COLQ: variants seen among roughly 807,000 people sequenced by gnomAD.
COLQ encodes acetylcholinesterase collagenic tail peptide.
In COLQ, 48 loss-of-function variants were observed where a neutral mutation model predicts 69.0. The ratio of observed to expected loss-of-function variants is 0.70; its 90% CI spans 0.55 to 0.88. The LOEUF is 0.88. COLQ is among the 40% of genes least tolerant of loss of function. The pLI, the probability that COLQ is intolerant of heterozygous loss-of-function variation, is 0.00. For synonymous variants in COLQ, 217 were observed against 211.2 expected, an observed-to-expected ratio of 1.03 and a Z score of -0.24; for missense variants, 618 against 594.6, an observed-to-expected ratio of 1.04 and a Z score of -0.41.
intron 13 of COLQ, among the ~76,000 whole-genome samples, chr3:15,457,397 A>G (rs904753646): frequency 6.6e-6 from 1 of 151,988 alleles, no homozygotes; most frequent in Non-Finnish European, 1.5e-5. Context: ...CTTCAAAATA[A>G]TACAACAGAG....
chr3:15,476,089 G>A (rs956977382), intron 6 of COLQ, among the ~76,000 whole-genome samples: 2 of 152,180 alleles, frequency 1.3e-5, no homozygotes, highest in Admixed American at 6.5e-5. Flanking sequence ...ATCCCAACTT[G>A]TAATCTATAC....
At chr3:15,519,715 T>A (rs751608036) in intron 1 of COLQ, among the ~76,000 whole-genome samples, 1 of 152,188 alleles carries the variant, frequency 6.6e-6, no homozygotes, top group Non-Finnish European at 1.5e-5. Flanking sequence ...AAAGCTTACC[T>A]AAGAGATATC....
chr3:15,499,884 C>T lies in COLQ; in HGVS notation c.107-10247G>A, dbSNP rs532325582. On this transcript the variant is annotated intron_variant, in intron 1 of 16. Transcript: ENST00000383788. Reference sequence around the variant, plus strand: ...TAAGCTTTCTTACTTATAAAGTGGGCGTGCAAAGCCGACTTTGATAGTTTG... The same window carrying T: ...TAAGCTTTCTTACTTATAAAGTGGGTGTGCAAAGCCGACTTTGATAGTTTG... Among the ~76,000 whole-genome samples the T allele has an allele frequency of 7.9e-5, 12 of 152,182 alleles. No individual in the cohort carries two copies. In the South Asian group the frequency reaches 2.3e-3, roughly 29 times the overall value.
intron 6 of COLQ, among the ~76,000 whole-genome samples, chr3:15,476,417 C>T (rs1575475397): frequency 6.6e-6 from 1 of 152,196 alleles, no homozygotes; most frequent in Admixed American, 6.5e-5. Flanking sequence ...GGCTGCTGTG[C>T]AGGACAGCTC....
chr3:15,472,758 C>A (rs2062309677), intron 10 of COLQ, among the ~76,000 whole-genome samples: 1 of 152,200 alleles, frequency 6.6e-6, no homozygotes, highest in Non-Finnish European at 1.5e-5. Context: ...TCAACAGTCA[C>A]CTTCACAATT....
chr3:15,497,036 CTTTTTTTTT>C (rs371974104), intron 1 of COLQ, among the ~76,000 whole-genome samples: 57 of 107,514 alleles, frequency 5.3e-4, no homozygotes, highest in East Asian at 1.5e-3. Flanking sequence ...GTCCTTTTGC[CTTTTTTTTT>C]TTTTTTTTTT....
intron 12 of COLQ, among the ~76,000 whole-genome samples, chr3:15,464,971 C>G (rs143426556): frequency 1.4e-3 from 216 of 152,232 alleles, no homozygotes; most frequent in Non-Finnish European, 2.5e-3. Context: ...GTCCGGAGTT[C>G]CAGACCAGCC....
At chr3:15,507,734 C>T (rs780498053) in intron 1 of COLQ, among the ~76,000 whole-genome samples, 11 of 152,174 alleles carry the variant, frequency 7.2e-5, no homozygotes, top group Non-Finnish European at 1.6e-4. Context: ...GGATTACAGG[C>T]GTGAGCCACT....
At chr3:15,456,127 G>T in intron 14 of COLQ, 108 bp from the exon 15 acceptor site, 1 of 1,308,884 alleles carries the variant, frequency 7.6e-7, no homozygotes, top group Non-Finnish European at 1.1e-6. Context: ...GGCATGCCTT[G>T]ACTTCCTCCC....
chr3:15,461,744 G>A (rs970243006), intron 12 of COLQ, among the ~76,000 whole-genome samples: 2 of 152,156 alleles, frequency 1.3e-5, no homozygotes, highest in Admixed American at 1.3e-4. Flanking sequence ...TAAGGGGAGG[G>A]TAGGACTAGA....
intron 6 of COLQ, among the ~76,000 whole-genome samples, chr3:15,476,378 C>T (rs1017651775): frequency 2.6e-5 from 4 of 152,126 alleles, no homozygotes; most frequent in Non-Finnish European, 4.4e-5. Context: ...AGCAACATTC[C>T]ACGGGCTTGA....
intron 12 of COLQ, 31 bp downstream of exon 12, chr3:15,466,310 A>T (rs1575468992): frequency 2.6e-6 from 4 of 1,516,126 alleles, no homozygotes; most frequent in African/African-American, 2.7e-5. Flanking sequence ...GTACTCCAAC[A>T]GTGGATCAAG....
intron 15 of COLQ, among the ~76,000 whole-genome samples, chr3:15,455,042 A>T (rs1205651720): frequency 6.6e-6 from 1 of 152,146 alleles, no homozygotes; most frequent in Non-Finnish European, 1.5e-5. Flanking sequence ...CTGGATCTTT[A>T]GAGCAGGGGC....
intron 3 of COLQ, among the ~76,000 whole-genome samples, chr3:15,480,369 C>T (rs1398258571): frequency 1.3e-5 from 2 of 148,420 alleles, no homozygotes; most frequent in African/African-American, 5.0e-5. Context: ...ATGTGATGTT[C>T]CCCACCCTGT....
Position 15,521,324 on chromosome 3 carries a change from C to T in COLQ, c.106+196G>A, listed in dbSNP as rs17041264. 0.041 allele frequency among the ~76,000 whole-genome samples: 6,206 copies of T among 152,270 alleles called. 292 individuals carry two copies. The highest frequency in any genetic ancestry group is 0.14 in the Admixed American group (2,068 of 15,300). On this transcript the variant is annotated intron_variant, in intron 1 of 16. Transcript: ENST00000383788. ...CTGCTTTGAGCAGCCAGGTAGGAGC[C>T]GGTTGGAACAAGGACAGAAGGGGCT...
At chr3:15,489,695 C>T in intron 1 of COLQ, 58 bp from the exon 2 acceptor site, 1 of 1,488,950 alleles carries the variant, frequency 6.7e-7, no homozygotes, top group Non-Finnish European at 9.3e-7. Context: ...CTCTGTCACA[C>T]CCACCGTGCC....
chr3:15,469,686 T>C (rs2062250973), intron 11 of COLQ, among the ~76,000 whole-genome samples: 1 of 152,172 alleles, frequency 6.6e-6, no homozygotes, highest in African/African-American at 2.4e-5. Flanking sequence ...AAACCCATGC[T>C]GAAAGCTCAT....
chr3:15,516,314 C>G (rs1314650224), intron 1 of COLQ, among the ~76,000 whole-genome samples: 2 of 152,194 alleles, frequency 1.3e-5, no homozygotes, highest in African/African-American at 4.8e-5. Context: ...GCCTGGCTGG[C>G]TTCCAGGCAG....
chr3:15,519,950 T>A (rs1303754044), intron 1 of COLQ, among the ~76,000 whole-genome samples: 1 of 152,190 alleles, frequency 6.6e-6, no homozygotes, highest in African/African-American at 2.4e-5. Flanking sequence ...GGGAAAACAG[T>A]AAAGTACAAG....
Sources: allele counts gnomAD v4.1 joint callset (sites outside exome capture counted in the v4.1 genomes callset), GRCh38; gene constraint gnomAD v4.1.1; transcripts MANE v1.5; gene names NCBI Gene and HGNC (gene_info 2026-07-23, HGNC 2026-07-21).